ADAM17: variants seen among roughly 807,000 people sequenced by gnomAD.
ADAM17 encodes the protein disintegrin and metalloproteinase domain-containing protein 17.
A neutral mutation model predicts 96.7 loss-of-function variants in ADAM17; 39 were observed. That is an observed-to-expected ratio of 0.40 (90% CI 0.31 to 0.53). The LOEUF (loss-of-function observed/expected upper bound fraction) is 0.53, where lower values mean the gene tolerates loss of function less well. Ranked by LOEUF, ADAM17 falls within the 20% of genes least tolerant of loss-of-function variation. The probability of loss-of-function intolerance (pLI) is 0.44; values close to 1 mark genes in which losing one functional copy is unlikely to be tolerated. For synonymous variants in ADAM17, 344 were observed against 359.2 expected (o/e 0.96, Z 0.48); for missense variants, 777 against 1,013.2 (o/e 0.77, Z 3.17).
At chr2:9,539,228 C>T (rs535473739) in intron 2 of ADAM17, among the ~76,000 whole-genome samples, 1 of 152,012 alleles carries the variant, frequency 6.6e-6, no homozygotes, top group South Asian at 2.1e-4. Flanking sequence ...CTGCCTCAGC[C>T]TCCCAAATAG....
chr2:9,553,701 GAAAAGAAAAGAA>G (rs1665655639), intron 1 of ADAM17, among the ~76,000 whole-genome samples: 2 of 148,802 alleles, frequency 1.3e-5, no homozygotes, highest in Non-Finnish European at 3.0e-5. Flanking sequence ...GAAAGAAAAA[GAAAAGAAAAGAA>G]AAAAGAAAAG....
In ADAM17 at chr2:9,503,600, G is replaced by A. The variant is rs192158600; in HGVS notation, c.1545-1324C>T. On this transcript the variant is annotated intron_variant, in intron 12 of 18. Coordinates refer to ENST00000310823, the MANE Select transcript of ADAM17 (RefSeq NM_003183.6). ...TCACGCCTGTAATCCCAACACTTTG[G>A]GAGGCTGAGGCAGGCAGATCACGAA... 8.5e-5 allele frequency among the ~76,000 whole-genome samples: 13 copies of A among 152,246 alleles called. No homozygotes were observed. In the East Asian group the frequency reaches 2.5e-3, roughly 29 times the overall value.
chr2:9,535,326 T>C (rs1664915400), intron 4 of ADAM17, among the ~76,000 whole-genome samples: 1 of 152,224 alleles, frequency 6.6e-6, no homozygotes, highest in African/African-American at 2.4e-5. Context: ...GACAGATAGA[T>C]ATGTGTCTTA....
intron 1 of ADAM17, among the ~76,000 whole-genome samples, chr2:9,551,618 C>T (rs2091211): frequency 0.063 from 9,652 of 152,066 alleles, 1,084 homozygotes; most frequent in African/African-American, 0.22. Context: ...TGCTACCACA[C>T]CTGGCTAATT....
At chr2:9,509,916 CATT>C (rs1663638142) in intron 11 of ADAM17, 60 bp downstream of exon 11, 1 of 1,581,844 alleles carries the variant, frequency 6.3e-7, no homozygotes, top group Non-Finnish European at 8.6e-7. Flanking sequence ...TCTGAGCTCT[CATT>C]ATGATCATTA....
At chr2:9,497,339 G>C (rs1662692127) in intron 13 of ADAM17, 91 bp from the exon 14 acceptor site, 1 of 1,529,866 alleles carries the variant, frequency 6.5e-7, no homozygotes, top group South Asian at 1.3e-5. Context: ...ATACAAGTGA[G>C]CATCTTACCT....
At chr2:9,521,343 G>C (rs751190047) in intron 7 of ADAM17, 27 bp from the exon 8 acceptor site, 1 of 1,460,708 alleles carries the variant, frequency 6.8e-7, no homozygotes, top group Non-Finnish European at 9.6e-7. Flanking sequence ...CATATACTTA[G>C]AACACTTCCA....
At position 9,535,894 on chromosome 2, in the gene ADAM17, G is replaced by A. The variant is rs1455144958; in HGVS notation, c.390C>T (p.His130=). The A allele has an allele frequency of 1.9e-6, 3 of 1,604,782 alleles. No homozygotes were observed. The highest frequency in any genetic ancestry group is 2.2e-5 in the South Asian group (2 of 89,444). The change falls in exon 4 of 19, where the codon CAC becomes CAT. Residue 130 remains histidine (H), a synonymous_variant. Transcript: ENST00000310823. ...VGEPDSRVLA[H]IRDDDVIIRI... The stretch of plus-strand genomic sequence containing the variant: ...TGATTATAACATCATCATCTCTTAT[G>A]TGGGCTAGAACCCTAGAGTCAGGCT...
At chr2:9,545,090 T>C (rs1186296876) in intron 1 of ADAM17, among the ~76,000 whole-genome samples, 1 of 152,218 alleles carries the variant, frequency 6.6e-6, no homozygotes, top group African/African-American at 2.4e-5. Context: ...TTGTCAATAA[T>C]ATAGCCCAGT....
At chr2:9,502,356 G>A in intron 12 of ADAM17, 80 bp from the exon 13 acceptor site, 1 of 1,214,710 alleles carries the variant, frequency 8.2e-7, no homozygotes, top group Non-Finnish European at 1.2e-6. Flanking sequence ...TTACGTTACA[G>A]TGACCTGAAG....
chr2:9,548,659 C>A (rs141548096), intron 1 of ADAM17, among the ~76,000 whole-genome samples: 1 of 152,106 alleles, frequency 6.6e-6, no homozygotes. Context: ...TTTCATTGCT[C>A]ATTTACATAG....
At chr2:9,542,219 A>T (rs1479009820) in intron 2 of ADAM17, among the ~76,000 whole-genome samples, 1 of 151,802 alleles carries the variant, frequency 6.6e-6, no homozygotes, top group Non-Finnish European at 1.5e-5. Flanking sequence ...TTATGCTAAG[A>T]AGTAAGAGGA....
rs776793975 is a variant in ADAM17, at chr2:9,518,103, C to A, written c.1102G>T (p.Ala368Ser). 2.5e-6 allele frequency: 4 copies of A among 1,586,212 alleles called. No homozygotes were observed. The Admixed American group carries it at 7.6e-5, about 30-fold the overall frequency. Reference sequence around the variant, plus strand: ...TCACACAAGAAATGGAAAAACTTACCCTTTGGACAAACACCTCCATGGCTG... The same window carrying A: ...TCACACAAGAAATGGAAAAACTTACACTTTGGACAAACACCTCCATGGCTG... ...ANSHGGVCPK[A>S]YYSPVGKKNI... Residue 368 changes from alanine to serine, a missense_variant and splice_region_variant, in exon 9 of 19, where the codon GCT becomes TCT. By Grantham distance (99) the Ala-to-Ser change is moderately conservative. Around this residue, in one of 3 missense-constraint regions of ADAM17, gnomAD observed 446 missense variants for 664.7 expected, o/e 0.67. Coordinates refer to ENST00000310823, the MANE Select transcript of ADAM17 (RefSeq NM_003183.6).
At chr2:9,491,428 C>T (rs1296802549) in intron 17 of ADAM17, among the ~76,000 whole-genome samples, 1 of 152,180 alleles carries the variant, frequency 6.6e-6, no homozygotes, top group Non-Finnish European at 1.5e-5. Context: ...AAATTTATCC[C>T]TCTGTGGGCA....
At chr2:9,523,378 CTT>C in intron 6 of ADAM17, 40 bp from the exon 7 acceptor site, 2 of 1,467,598 alleles carry the variant, frequency 1.4e-6, no homozygotes, top group Non-Finnish European at 9.5e-7. Context: ...TTATGTAACT[CTT>C]TACCTCTCCT....
chr2:9,526,964 C>G (rs2125026715), intron 5 of ADAM17, among the ~76,000 whole-genome samples: 1 of 152,166 alleles, frequency 6.6e-6, no homozygotes, highest in South Asian at 2.1e-4. Flanking sequence ...GGACAACTTT[C>G]TTGTGAAATA....
chr2:9,555,498 T>C lies in ADAM17; in HGVS notation c.97+11A>G, dbSNP rs1320131256. 1.3e-6 allele frequency: 2 copies of C among 1,582,536 alleles called. No homozygotes were observed. Among genetic ancestry groups the C allele is most frequent in the Non-Finnish European group, 1.7e-6 (2 of 1,164,308 alleles). ...AGGCGCCGGCCTAAGCCAACTCCCC[T>C]GGGTCTTTACCGAGTCTCTGGTGGG... is the stretch of plus-strand genomic sequence containing the variant. On this transcript the variant is annotated intron_variant, in intron 1 of 18. Transcript: ENST00000310823.
intron 4 of ADAM17, among the ~76,000 whole-genome samples, chr2:9,532,638 A>ATTTTTTTTTTTTTT (rs70948827): frequency 8.8e-6 from 1 of 114,284 alleles, no homozygotes; most frequent in Non-Finnish European, 1.7e-5. Flanking sequence ...TGCCCAGCTA[A>ATTTTTTTTTTTTTT]TTTTTTTTTT....
chr2:9,546,097 CAA>C (rs34936940), intron 1 of ADAM17, among the ~76,000 whole-genome samples: 14 of 88,100 alleles, frequency 1.6e-4, no homozygotes, highest in Admixed American at 2.6e-4. Context: ...GACCCAGTCT[CAA>C]AAAAAAAAAA....
Sources: allele counts gnomAD v4.1 joint callset (sites outside exome capture counted in the v4.1 genomes callset), GRCh38; gene constraint gnomAD v4.1.1; regional missense constraint gnomAD v4.1.1; transcripts MANE v1.5; gene names NCBI Gene and HGNC (gene_info 2026-07-23, HGNC 2026-07-21).